ZNF695: variants seen among roughly 807,000 people sequenced by gnomAD.
ZNF695 encodes zinc finger protein 695.
Under a neutral mutation model 11.2 loss-of-function variants are expected in ZNF695, and 11 were observed. That is an observed-to-expected ratio of 0.98 (90% CI 0.62 to 1.62). ZNF695 has a LOEUF of 1.62. Ranked by LOEUF, ZNF695 falls within the 40% of genes most tolerant of loss-of-function variation. The pLI is 0.00. For synonymous variants in ZNF695, 190 were observed against 201.4 expected (o/e 0.94, Z 0.48); for missense variants, 559 against 590.5 (o/e 0.95, Z 0.55).
intron 4 of ZNF695, among the ~76,000 whole-genome samples, chr1:246,979,257 C>G (rs1668643838): frequency 6.6e-6 from 1 of 151,960 alleles, no homozygotes; most frequent in African/African-American, 2.4e-5. Context: ...TGGAACTGTT[C>G]CTGTTGCTTT....
intron 1 of ZNF695, among the ~76,000 whole-genome samples, chr1:247,001,036 C>G (rs1669364303): frequency 1.3e-5 from 2 of 152,034 alleles, no homozygotes; most frequent in Non-Finnish European, 2.9e-5. Context: ...CTACCAAAAA[C>G]ACCACATATC....
At chr1:246,949,879 TATA>T (rs1246791711) in intron 5 of ZNF695, among the ~76,000 whole-genome samples, 1 of 152,208 alleles carries the variant, frequency 6.6e-6, no homozygotes, top group Non-Finnish European at 1.5e-5. Flanking sequence ...TGTCTTTAAA[TATA>T]ATCGTATAAA....
In ZNF695 at chr1:246,985,879, A is replaced by G. The variant is rs922619902; in HGVS notation, c.*1088T>C. On this transcript the variant is annotated 3_prime_UTR_variant, in exon 4 of 4. Coordinates refer to ENST00000339986, the MANE Select transcript of ZNF695 (RefSeq NM_020394.5). ...TCCATAATCTTCCAAAGAAAAGGATATGAACAACACCCACCCGAATATAGA... is the reference window on the plus strand; with the variant it reads ...TCCATAATCTTCCAAAGAAAAGGATGTGAACAACACCCACCCGAATATAGA... 5.0e-5 allele frequency: 49 copies of G among 985,328 alleles called. No individual in the cohort carries two copies. The highest frequency in any genetic ancestry group is 5.4e-5 in the Non-Finnish European group (45 of 829,948). 61.0% of individuals were successfully genotyped at this position (985,328 alleles called of 1,614,324 possible).
chr1:246,972,574 T>C (rs1668453882), intron 4 of ZNF695, among the ~76,000 whole-genome samples: 2 of 152,030 alleles, frequency 1.3e-5, no homozygotes, highest in South Asian at 4.2e-4. Context: ...CAGGCTGGAG[T>C]AAATGGCGTG....
At chr1:246,990,092 GAGA>G (rs1243743511) in intron 3 of ZNF695, among the ~76,000 whole-genome samples, 2 of 149,974 alleles carry the variant, frequency 1.3e-5, no homozygotes, top group South Asian at 2.1e-4. Flanking sequence ...GAGAAAGAGA[GAGA>G]AGAAGGAATG....
intron 3 of ZNF695, among the ~76,000 whole-genome samples, chr1:246,992,113 G>C (rs934299716): frequency 6.6e-6 from 1 of 151,784 alleles, no homozygotes; most frequent in East Asian, 1.9e-4. Context: ...GCAGTGAGCC[G>C]AGATCGCGCC....
intron 3 of ZNF695, among the ~76,000 whole-genome samples, chr1:246,992,961 T>C (rs1669083920): frequency 6.6e-6 from 1 of 152,202 alleles, no homozygotes; most frequent in Non-Finnish European, 1.5e-5. Flanking sequence ...GAGTACTGAA[T>C]GGAATGATGG....
chr1:246,982,441 CCTT>C (rs1384049887), downstream of ZNF695, among the ~76,000 whole-genome samples: 2 of 152,168 alleles, frequency 1.3e-5, no homozygotes, highest in Non-Finnish European at 2.9e-5. Context: ...CATTAACTCT[CCTT>C]AAGAATTTCT....
intron 5 of ZNF695, among the ~76,000 whole-genome samples, chr1:246,957,004 GAATT>G (rs773633345): frequency 6.6e-6 from 1 of 152,120 alleles, no homozygotes; most frequent in Non-Finnish European, 1.5e-5. Context: ...AGCAAATATT[GAATT>G]AATAAAATGT....
At chr1:246,982,739 G>T (rs971619052), downstream of ZNF695, among the ~76,000 whole-genome samples, 3 of 152,146 alleles carry the variant, frequency 2.0e-5, no homozygotes, top group African/African-American at 7.2e-5. Context: ...TTGGGAGGCC[G>T]AGGCGGGCAG....
Position 246,985,488 on chromosome 1 carries a change from T to A in ZNF695, c.*1479A>T. ...GATCATTAGAGATACTATTCCACCA[T>A]GTTACCCACTATTGTATTGTTACCA... On this transcript the variant is annotated 3_prime_UTR_variant, in exon 4 of 4. Coordinates refer to ENST00000339986, the MANE Select transcript of ZNF695 (RefSeq NM_020394.5). 2 of 985,408 alleles carry A rather than the reference T, an allele frequency of 2.0e-6. No individual in the cohort carries two copies. The highest frequency in any genetic ancestry group is 2.4e-6 in the Non-Finnish European group (2 of 829,902). 61.0% of individuals were successfully genotyped at this position (985,408 alleles called of 1,614,324 possible). A position where few individuals can be genotyped will look rare whatever the true frequency, so the allele number is the denominator to read the frequency against.
chr1:246,975,084 T>C (rs1383159937), intron 4 of ZNF695, among the ~76,000 whole-genome samples: 1 of 152,212 alleles, frequency 6.6e-6, no homozygotes, highest in East Asian at 1.9e-4. Context: ...TTTGAAAATA[T>C]CTTAATTAGT....
intron 4 of ZNF695, among the ~76,000 whole-genome samples, chr1:246,980,178 TAAA>T (rs71566679): frequency 4.5e-5 from 4 of 88,754 alleles, no homozygotes; most frequent in African/African-American, 9.6e-5. Context: ...ACTCTGTATT[TAAA>T]AAAAAAAAAA....
chr1:246,946,167 G>A (rs770682407), intron 5 of ZNF695, among the ~76,000 whole-genome samples: 3 of 152,078 alleles, frequency 2.0e-5, no homozygotes, highest in Admixed American at 6.6e-5. Flanking sequence ...TCCTCCCGCC[G>A]CTGCATTTTA....
chr1:246,959,310 A>AAAAAATAT (rs1558304450), intron 5 of ZNF695, among the ~76,000 whole-genome samples: 14 of 51,254 alleles, frequency 2.7e-4, no homozygotes, highest in South Asian at 9.1e-4. Context: ...AAAAAAAAAA[A>AAAAAATAT]ATATATATAT....
At chr1:246,976,451 T>C (rs924989560) in intron 4 of ZNF695, among the ~76,000 whole-genome samples, 1 of 152,182 alleles carries the variant, frequency 6.6e-6, no homozygotes, top group Non-Finnish European at 1.5e-5. Flanking sequence ...TCAGTGGGAA[T>C]GTTGTAGTAG....
At chr1:247,000,517 CAAAT>C (rs979410916) in intron 1 of ZNF695, among the ~76,000 whole-genome samples, 11 of 151,932 alleles carry the variant, frequency 7.2e-5, no homozygotes, top group African/African-American at 2.2e-4. Context: ...AATAAACAAA[CAAAT>C]AAATAAAAAA....
intron 5 of ZNF695, among the ~76,000 whole-genome samples, chr1:246,959,686 A>C (rs926158479): frequency 1.3e-4 from 20 of 152,126 alleles, no homozygotes; most frequent in Admixed American, 3.9e-4. Context: ...TCAGCCTCCC[A>C]AAGTGCTGGG....
intron 1 of ZNF695, among the ~76,000 whole-genome samples, chr1:247,003,046 C>A (rs1447293500): frequency 4.6e-5 from 7 of 152,146 alleles, no homozygotes; most frequent in Non-Finnish European, 8.8e-5. Flanking sequence ...CTGTGGAAAG[C>A]ATTTTGGAGA....
Sources: gnomAD v4.1 joint callset for allele counts (sites outside exome capture counted in the v4.1 genomes callset) on GRCh38, gnomAD v4.1.1 for gene constraint, MANE v1.5 for transcripts, NCBI Gene and HGNC (gene_info 2026-07-23, HGNC 2026-07-21) for gene names.